The following NRG1 variants were observed in gnomAD, a reference collection of about 807,000 sequenced individuals.
NRG1 encodes the protein neuregulin 1.
In NRG1, 18 loss-of-function variants were observed where a neutral mutation model predicts 63.8. The ratio of observed to expected loss-of-function variants is 0.28; its 90% CI spans 0.19 to 0.42. NRG1 has a LOEUF of 0.42. NRG1 is among the 10% of genes least tolerant of loss of function. NRG1 has a pLI of 1.00. For synonymous variants in NRG1, 302 were observed against 301.3 expected, an observed-to-expected ratio of 1.00 and a Z score of -0.02; for missense variants, 762 against 814.7, an observed-to-expected ratio of 0.94 and a Z score of 0.79.
intron 5 of NRG1, among the ~76,000 whole-genome samples, chr8:32,658,591 A>G (rs1802074971): frequency 6.8e-6 from 1 of 147,236 alleles, no homozygotes; most frequent in Non-Finnish European, 1.5e-5. Context: ...CACCTTAGAG[A>G]CACTTTGAAC....
At chr8:31,716,085 A>T (rs1161547154) in intron 1 of NRG1, among the ~76,000 whole-genome samples, 1 of 152,204 alleles carries the variant, frequency 6.6e-6, no homozygotes, top group African/African-American at 2.4e-5. Context: ...GATTTTCATA[A>T]ACTGACAGAT....
In NRG1 at chr8:32,223,743, G is replaced by A. The variant is rs185800301; in HGVS notation, c.38-372085G>A. Among the ~76,000 whole-genome samples the A allele has an allele frequency of 4.5e-4, 69 of 152,250 alleles. 1 individual carries two copies. The East Asian group carries it at 9.5e-3, about 21-fold the overall frequency. ...ACTTTGTAGATGCTGTAGGCCCCAA[G>A]GAAGCCTTGAGAGGAAAAAAGAGCT... On this transcript the variant is annotated intron_variant, in intron 1 of 10. Coordinates refer to the NRG1 transcript ENST00000519301.
At chr8:32,193,035 AT>A (rs1842643208) in intron 1 of NRG1, among the ~76,000 whole-genome samples, 1 of 152,176 alleles carries the variant, frequency 6.6e-6, no homozygotes, top group African/African-American at 2.4e-5. Context: ...TGCCTGGTGC[AT>A]ATATAAATGA....
chr8:32,451,842 T>C (rs1430139776), intron 1 of NRG1, among the ~76,000 whole-genome samples: 1 of 152,232 alleles, frequency 6.6e-6, no homozygotes, highest in Non-Finnish European at 1.5e-5. Context: ...CCTTCTTTTT[T>C]TTAGACAAGG....
chr8:32,501,878 G>A (rs761729680), intron 1 of NRG1, among the ~76,000 whole-genome samples: 5 of 152,264 alleles, frequency 3.3e-5, no homozygotes, highest in Non-Finnish European at 7.4e-5. Context: ...TGTAATTCCA[G>A]TCCTTTAGGA....
chr8:31,872,625 A>G (rs1829586669), intron 1 of NRG1, among the ~76,000 whole-genome samples: 1 of 152,200 alleles, frequency 6.6e-6, no homozygotes, highest in Non-Finnish European at 1.5e-5. Flanking sequence ...ATGTGCAACC[A>G]GTAAGAGAGA....
At chr8:32,428,677 G>A (rs909678491) in intron 1 of NRG1, among the ~76,000 whole-genome samples, 2 of 152,178 alleles carry the variant, frequency 1.3e-5, no homozygotes, top group African/African-American at 4.8e-5. Context: ...TCACGACTCA[G>A]CAAGTCCTAG....
chr8:31,981,189 G>A (rs748944137), intron 1 of NRG1, among the ~76,000 whole-genome samples: 2 of 151,982 alleles, frequency 1.3e-5, no homozygotes, highest in Non-Finnish European at 2.9e-5. Context: ...TTTTGTTCCA[G>A]ACTAGTTGTG....
At chr8:32,031,711 A>G (rs891039228) in intron 1 of NRG1, among the ~76,000 whole-genome samples, 1 of 151,884 alleles carries the variant, frequency 6.6e-6, no homozygotes, top group African/African-American at 2.4e-5. Context: ...AACGTGTGGT[A>G]TTTGGTTTTC....
intron 1 of NRG1, among the ~76,000 whole-genome samples, chr8:32,150,717 G>A (rs1837411803): frequency 6.6e-6 from 1 of 152,164 alleles, no homozygotes; most frequent in Non-Finnish European, 1.5e-5. Flanking sequence ...ACAGGCTCCT[G>A]AGCATCTCAG....
At chr8:32,122,282 T>C (rs1481805853) in intron 1 of NRG1, among the ~76,000 whole-genome samples, 1 of 151,938 alleles carries the variant, frequency 6.6e-6, no homozygotes, top group Non-Finnish European at 1.5e-5. Flanking sequence ...TGGTTCTCAG[T>C]AGGGGTGGGA....
At chr8:32,503,138 T>A (rs56371551) in intron 1 of NRG1, among the ~76,000 whole-genome samples, 85,775 of 150,452 alleles carry the variant, frequency 0.57, 24,801 homozygotes, top group East Asian at 0.79. Flanking sequence ...ACAAAAAAAA[T>A]TAGCTGGGCA....
chr8:31,681,028 C>A (rs1196308054), intron 1 of NRG1, among the ~76,000 whole-genome samples: 1 of 151,656 alleles, frequency 6.6e-6, no homozygotes, highest in East Asian at 1.9e-4. Context: ...AGGAAGAGAC[C>A]CACACATTTA....
chr8:32,296,748 T>A (rs1383591578), intron 1 of NRG1, among the ~76,000 whole-genome samples: 1 of 151,366 alleles, frequency 6.6e-6, no homozygotes, highest in East Asian at 2.0e-4. Context: ...CAAAAGACAA[T>A]AACAAAACAC....
At chr8:32,123,668 T>G (rs1336764548) in intron 1 of NRG1, among the ~76,000 whole-genome samples, 1 of 149,714 alleles carries the variant, frequency 6.7e-6, no homozygotes, top group African/African-American at 2.4e-5. Flanking sequence ...AATTTTTCAT[T>G]CTGTCTTATA....
At chr8:31,903,400 C>T (rs938863460) in intron 1 of NRG1, among the ~76,000 whole-genome samples, 1 of 151,712 alleles carries the variant, frequency 6.6e-6, no homozygotes, top group Non-Finnish European at 1.5e-5. Context: ...CCTCCTGCCT[C>T]GGCCTCCCAA....
chr8:31,937,598 G>A (rs903334624), intron 1 of NRG1, among the ~76,000 whole-genome samples: 3 of 152,160 alleles, frequency 2.0e-5, no homozygotes, highest in Non-Finnish European at 4.4e-5. Flanking sequence ...TCTCAATGGG[G>A]ATGCTCATGG....
At chr8:32,098,812 A>G (rs1830198533) in intron 1 of NRG1, 1 of 152,236 alleles carries the variant, frequency 6.6e-6, no homozygotes, top group Non-Finnish European at 1.5e-5. Context: ...GTAAAAACAC[A>G]TAGCACTGGG....
At chr8:32,462,148 G>T (rs1353663805) in intron 1 of NRG1, among the ~76,000 whole-genome samples, 2 of 152,194 alleles carry the variant, frequency 1.3e-5, no homozygotes, top group African/African-American at 2.4e-5. Flanking sequence ...ATAGTCTTCT[G>T]TATGTCAGAA....
Sources: gnomAD v4.1 joint callset for allele counts (sites outside exome capture counted in the v4.1 genomes callset) on GRCh38, gnomAD v4.1.1 for gene constraint, MANE v1.5 for transcripts, NCBI Gene and HGNC (gene_info 2026-07-23, HGNC 2026-07-21) for gene names.